TBC1D5: variants seen among roughly 807,000 people sequenced by gnomAD.
TBC1D5 encodes the protein TBC1 domain family, member 5.
TBC1D5 carries 75 observed loss-of-function variants against 100.3 expected under a neutral mutation model. The ratio of observed to expected loss-of-function variants is 0.75; its 90% CI spans 0.62 to 0.91. The LOEUF is 0.91. Ranked by LOEUF, TBC1D5 falls within the 40% of genes least tolerant of loss-of-function variation. The pLI is 0.00. For missense variants in TBC1D5, 910 were observed against 942.4 expected (o/e 0.97, Z 0.45); for synonymous variants, 323 against 325.6 (o/e 0.99, Z 0.09).
At chr3:17,308,404 C>G (rs541852754) in intron 13 of TBC1D5, among the ~76,000 whole-genome samples, 3 of 151,966 alleles carry the variant, frequency 2.0e-5, no homozygotes, top group Non-Finnish European at 4.4e-5. Context: ...ATAGAAATCA[C>G]AAATTCCCAA....
chr3:17,277,322 C>T (rs1367382265), intron 15 of TBC1D5, among the ~76,000 whole-genome samples: 1 of 152,204 alleles, frequency 6.6e-6, no homozygotes, highest in East Asian at 1.9e-4. Context: ...TTTGAACTGG[C>T]TCTTTTGACA....
chr3:17,182,564 T>C (rs1452952322), intron 19 of TBC1D5, among the ~76,000 whole-genome samples: 1 of 152,242 alleles, frequency 6.6e-6, no homozygotes, highest in Non-Finnish European at 1.5e-5. Flanking sequence ...CAGGATTCTG[T>C]GGAGTTCCAG....
At chr3:17,157,473 G>A (rs1278600781) in exon 22 of TBC1D5, 1 of 152,262 alleles carries the variant, frequency 6.6e-6, no homozygotes, top group Admixed American at 6.5e-5. Flanking sequence ...CTTTGAGAAG[G>A]AAGCCTGGCT....
At chr3:17,549,316 A>G in intron 2 of TBC1D5, among the ~76,000 whole-genome samples, 1 of 152,264 alleles carries the variant, frequency 6.6e-6, no homozygotes, top group Non-Finnish European at 1.5e-5. Context: ...AATAAGATAA[A>G]ATAAAATAAA....
At chr3:17,195,496 T>C (rs1248183713) in intron 18 of TBC1D5, among the ~76,000 whole-genome samples, 64 of 152,222 alleles carry the variant, frequency 4.2e-4, no homozygotes, top group South Asian at 6.2e-4. Flanking sequence ...ATCTGCACAA[T>C]GGCTGGCCCA....
intron 18 of TBC1D5, among the ~76,000 whole-genome samples, chr3:17,212,822 C>G (rs2073145475): frequency 6.6e-6 from 1 of 151,786 alleles, no homozygotes; most frequent in Non-Finnish European, 1.5e-5. Context: ...TTGTTTTGAG[C>G]TAAGTGTTAT....
chr3:17,489,089 C>T (rs142454350), intron 3 of TBC1D5, among the ~76,000 whole-genome samples: 2 of 151,770 alleles, frequency 1.3e-5, no homozygotes, highest in African/African-American at 4.8e-5. Context: ...CTGGGTTAAG[C>T]AATCAACAAA....
intron 2 of TBC1D5, among the ~76,000 whole-genome samples, chr3:17,530,436 G>C (rs911058113): frequency 6.6e-6 from 1 of 152,068 alleles, no homozygotes. Flanking sequence ...CCATAATTTA[G>C]ATTTAAGTGA....
chr3:17,499,603 G>A (rs1317218764), intron 3 of TBC1D5, among the ~76,000 whole-genome samples: 1 of 147,662 alleles, frequency 6.8e-6, no homozygotes, highest in Admixed American at 6.7e-5. Flanking sequence ...GCTGGGGTGG[G>A]AGGATCATCT....
chr3:17,413,026 A>G (rs947057955), intron 4 of TBC1D5, among the ~76,000 whole-genome samples: 2 of 152,210 alleles, frequency 1.3e-5, no homozygotes, highest in Non-Finnish European at 2.9e-5. Flanking sequence ...AGTCCCTGTG[A>G]GTAGTTAAGA....
chr3:17,337,964 T>C (rs2088207138), intron 13 of TBC1D5, among the ~76,000 whole-genome samples: 2 of 152,182 alleles, frequency 1.3e-5, no homozygotes, highest in Non-Finnish European at 2.9e-5. Flanking sequence ...ATTTTCTTGC[T>C]TTCTTATTGC....
At chr3:17,328,615 C>G (rs1488527214) in intron 13 of TBC1D5, among the ~76,000 whole-genome samples, 3 of 152,186 alleles carry the variant, frequency 2.0e-5, no homozygotes, top group African/African-American at 7.2e-5. Flanking sequence ...CAAAAATTTG[C>G]AGTGCTGAGT....
intron 2 of TBC1D5, among the ~76,000 whole-genome samples, chr3:17,595,095 T>C (rs1213080239): frequency 6.6e-6 from 1 of 152,194 alleles, no homozygotes; most frequent in Non-Finnish European, 1.5e-5. Context: ...TCTCTCGTGC[T>C]AGATGCTTCT....
At chr3:17,679,880 T>G (rs1193450758) in intron 1 of TBC1D5, among the ~76,000 whole-genome samples, 2 of 151,470 alleles carry the variant, frequency 1.3e-5, no homozygotes. Flanking sequence ...AGCTGACCCT[T>G]GCATTGCAGA....
chr3:17,585,026 A>C (rs1161525603), intron 2 of TBC1D5, among the ~76,000 whole-genome samples: 1 of 152,100 alleles, frequency 6.6e-6, no homozygotes, highest in Non-Finnish European at 1.5e-5. Flanking sequence ...CTTGAGCTCA[A>C]GCAATCTGTT....
intron 8 of TBC1D5, among the ~76,000 whole-genome samples, chr3:17,402,934 TTAAA>T (rs1479471138): frequency 2.4e-4 from 36 of 152,118 alleles, no homozygotes; most frequent in African/African-American, 8.7e-4. Context: ...ATAAAACTAA[TTAAA>T]TATTATTGAA....
intron 4 of TBC1D5, among the ~76,000 whole-genome samples, chr3:17,421,402 A>G (rs1264491655): frequency 6.6e-6 from 1 of 152,202 alleles, no homozygotes; most frequent in African/African-American, 2.4e-5. Context: ...AAATTTGATG[A>G]GATTAAATAT....
chr3:17,264,550 T>C (rs922953767), intron 15 of TBC1D5, among the ~76,000 whole-genome samples: 4 of 152,206 alleles, frequency 2.6e-5, no homozygotes, highest in African/African-American at 4.8e-5. Context: ...GGTGAAGTTA[T>C]ACGTTGAAAA....
At chr3:17,292,192 TATCTAATGTA>T (rs2081830312) in intron 14 of TBC1D5, among the ~76,000 whole-genome samples, 191 bp from the exon 15 acceptor site, 1 of 152,216 alleles carries the variant, frequency 6.6e-6, no homozygotes, top group African/African-American at 2.4e-5. Context: ...TGTTAACTGC[TATCTAATGTA>T]TTAGCACTTA....
Sources: allele counts gnomAD v4.1 joint callset (sites outside exome capture counted in the v4.1 genomes callset), GRCh38; gene constraint gnomAD v4.1.1; transcripts MANE v1.5; gene names NCBI Gene and HGNC (gene_info 2026-07-23, HGNC 2026-07-21).